The following LRP12 variants were observed in gnomAD, a reference collection of about 807,000 sequenced individuals.
The protein encoded by LRP12 is LDL receptor related protein 12, also known as low-density lipoprotein receptor-related protein 12.
Under a neutral mutation model 66.0 loss-of-function variants are expected in LRP12, and 14 were observed. The ratio of observed to expected loss-of-function variants is 0.21; its 90% confidence interval spans 0.14 to 0.33. The LOEUF is 0.33. Among genes scored for constraint, LRP12 ranks in the 10% least tolerant of loss-of-function variants. LRP12 has a pLI of 1.00. For synonymous variants in LRP12, 357 were observed against 359.1 expected, an observed-to-expected ratio of 0.99 and a Z score of 0.07; for missense variants, 889 against 1,053.4, an observed-to-expected ratio of 0.84 and a Z score of 2.16.
intron 1 of LRP12, among the ~76,000 whole-genome samples, chr8:104,583,028 G>T (rs1015801444): frequency 6.6e-6 from 1 of 151,922 alleles, no homozygotes; most frequent in Non-Finnish European, 1.5e-5. Flanking sequence ...TCTATCAACA[G>T]GGCAACCTAC....
At chr8:104,492,428 A>T (rs1382314087) in intron 6 of LRP12, among the ~76,000 whole-genome samples, 1 of 152,172 alleles carries the variant, frequency 6.6e-6, no homozygotes, top group Non-Finnish European at 1.5e-5. Context: ...TTATAAAAAG[A>T]AGTATTCAAA....
chr8:104,512,815 C>T (rs1811017660), intron 2 of LRP12, among the ~76,000 whole-genome samples: 1 of 152,176 alleles, frequency 6.6e-6, no homozygotes, highest in Non-Finnish European at 1.5e-5. Flanking sequence ...TGCAACGGCC[C>T]AGGGATAAGA....
chr8:104,524,143 G>A (rs1811192555), intron 2 of LRP12, among the ~76,000 whole-genome samples: 1 of 150,876 alleles, frequency 6.6e-6, no homozygotes, highest in South Asian at 2.1e-4. Context: ...TCGGGAGGCT[G>A]AGGTGGGAGC....
intron 1 of LRP12, among the ~76,000 whole-genome samples, chr8:104,540,645 C>T (rs1811462167): frequency 6.6e-6 from 1 of 152,106 alleles, no homozygotes; most frequent in Non-Finnish European, 1.5e-5. Context: ...ATGAACTAGC[C>T]TTGAACCTAT....
At chr8:104,587,203 T>C (rs565707489) in intron 1 of LRP12, among the ~76,000 whole-genome samples, 5 of 152,310 alleles carry the variant, frequency 3.3e-5, no homozygotes, top group East Asian at 3.9e-4. Context: ...CAATGCTTAT[T>C]ATAGTAGAGG....
At chr8:104,581,279 G>C (rs1203870295) in intron 1 of LRP12, among the ~76,000 whole-genome samples, 1 of 152,064 alleles carries the variant, frequency 6.6e-6, no homozygotes, top group Non-Finnish European at 1.5e-5. Flanking sequence ...ACATACTGGG[G>C]CCTGTCAGAA....
chr8:104,504,179 TA>T (rs1415555404), intron 3 of LRP12: 1 of 143,258 alleles, frequency 7.0e-6, no homozygotes, highest in African/African-American at 3.0e-5. Flanking sequence ...CTGCTTATAA[TA>T]TTCTCTTATG....
At chr8:104,547,808 T>C (rs1180124987) in intron 1 of LRP12, among the ~76,000 whole-genome samples, 1 of 128,338 alleles carries the variant, frequency 7.8e-6, no homozygotes, top group East Asian at 2.2e-4. Flanking sequence ...ATATTATATA[T>C]AATTCTATAT....
Position 104,497,361 on chromosome 8 carries a change from C to T in LRP12, c.1191G>A (p.Gly397=). 2.5e-6 allele frequency: 4 copies of T among 1,613,908 alleles called. No individual in the cohort carries two copies. The highest frequency in any genetic ancestry group is 2.2e-5 in the East Asian group (1 of 44,882). ...CCCTTCCATTTGGGCAATGCCAATA[C>T]CCATCACAACGCTGCTGCTCAGTAT... The part of the protein sequence containing the change: ...GCYTEQQRCD[G]YWHCPNGRDE... The change falls in exon 5 of 7, where the codon GGG becomes GGA. Residue 397 remains glycine (G), a synonymous_variant. Transcript: ENST00000276654. The surrounding 1 kb of genome is among the most constrained non-coding windows in gnomAD (Gnocchi z 4.3).
At chr8:104,585,828 G>A (rs1274042526) in intron 1 of LRP12, among the ~76,000 whole-genome samples, 1 of 152,210 alleles carries the variant, frequency 6.6e-6, no homozygotes, top group African/African-American at 2.4e-5. Context: ...TAAAGCAACG[G>A]AACTGTCAGA....
At chr8:104,583,736 A>T (rs542471768) in intron 1 of LRP12, among the ~76,000 whole-genome samples, 275 of 152,318 alleles carry the variant, frequency 1.8e-3, no homozygotes, top group Middle Eastern at 0.017. Flanking sequence ...CAGTTAAGTC[A>T]CAATATTTCT....
chr8:104,548,445 ATAT>A (rs1170750541), intron 1 of LRP12, among the ~76,000 whole-genome samples: 12 of 117,608 alleles, frequency 1.0e-4, no homozygotes, highest in South Asian at 2.3e-4. Context: ...ATTCTATATT[ATAT>A]TATATTTTGT....
At chr8:104,581,714 C>T (rs1588512757) in intron 1 of LRP12, among the ~76,000 whole-genome samples, 1 of 152,070 alleles carries the variant, frequency 6.6e-6, no homozygotes, top group East Asian at 1.9e-4. Context: ...AGAGCTAAGA[C>T]TAGTTGGTGG....
chr8:104,491,134 T>C lies in LRP12; in HGVS notation c.2119A>G (p.Asn707Asp). 1.2e-6 allele frequency: 2 copies of C among 1,614,080 alleles called. No homozygotes were observed. The highest frequency in any genetic ancestry group is 1.7e-6 in the Non-Finnish European group (2 of 1,180,006). ...TQSTRGGHAD[N>D]GRDVTSVEPP... The stretch of plus-strand genomic sequence containing the variant: ...TCCACACTTGTCACATCCCTTCCAT[T>C]ATCTGCATGACCACCTCGGGTACTC... Residue 707 changes from asparagine (N) to aspartate (D), a missense_variant, in exon 7 of 7, where the codon AAT becomes GAT. By Grantham distance (23) the Asn-to-Asp change is conservative. Around this residue, in one of 3 missense-constraint regions of LRP12, gnomAD observed 800 missense variants for 964.5 expected, o/e 0.83. Coordinates refer to ENST00000276654, the MANE Select transcript of LRP12 (RefSeq NM_013437.5).
At chr8:104,499,213 C>T in intron 4 of LRP12, 104 bp downstream of exon 4, 1 of 868,202 alleles carries the variant, frequency 1.2e-6, no homozygotes, top group East Asian at 2.6e-5. Flanking sequence ...CCTCAAGGGC[C>T]TACTCCTAAT....
At chr8:104,518,768 G>C (rs982363859) in intron 2 of LRP12, among the ~76,000 whole-genome samples, 1 of 151,996 alleles carries the variant, frequency 6.6e-6, no homozygotes, top group African/African-American at 2.4e-5. Context: ...AATGATAAGA[G>C]AACATATATA....
intron 1 of LRP12, among the ~76,000 whole-genome samples, chr8:104,578,660 A>G (rs1380600033): frequency 6.6e-6 from 1 of 152,200 alleles, no homozygotes; most frequent in Non-Finnish European, 1.5e-5. Flanking sequence ...CTTCATGAAC[A>G]CTGATGCAAA....
chr8:104,490,997 C>A lies in LRP12; in HGVS notation c.2256G>T (p.Gln752His). The change falls in exon 7 of 7, where the codon CAG (glutamine) becomes CAT (histidine). Residue 752 changes from glutamine (Q) to histidine (H), a missense_variant. Gln to His is a conservative substitution (Grantham distance 24, BLOSUM62 0). Transcript: ENST00000276654. ...CAAGTTGTCTCAAAGGACTCTGGTT[C>A]TGACTTAGGGAACTTGATCGTCCTA... ...FTLGRSSSLS[Q>H]NQSPLRQLDN... The A allele has an allele frequency of 6.2e-7, 1 of 1,614,100 alleles. No individual in the cohort carries two copies. The highest frequency in any genetic ancestry group is 8.5e-7 in the Non-Finnish European group (1 of 1,180,032).
Position 104,547,287 on chromosome 8 carries a change from TATATC to T in LRP12, c.80-15329_80-15325del, listed in dbSNP as rs1173366327. On this transcript the variant is annotated intron_variant, in intron 1 of 6. Coordinates refer to ENST00000276654, the MANE Select transcript of LRP12 (RefSeq NM_013437.5). Reference sequence around the variant, plus strand: ...TTTTGTACATAATATACAATTCTGTTATATCATATTTTGTATATAATATACAATTC... The same window carrying T: ...TTTTGTACATAATATACAATTCTGTTATATTTTGTATATAATATACAATTC... 5.3e-3 allele frequency among the ~76,000 whole-genome samples: 739 copies of T among 139,848 alleles called. 8 individuals carry two copies. The highest frequency in any genetic ancestry group is 0.018 in the South Asian group (77 of 4,292). The allele number at this position is 139,848 out of a possible 152,430, so 91.7% of individuals were successfully genotyped here.
Sources: gnomAD v4.1 joint callset for allele counts (sites outside exome capture counted in the v4.1 genomes callset) on GRCh38, gnomAD v4.1.1 for gene constraint, gnomAD v4.1.1 regional missense constraint, Gnocchi (gnomAD v3.1) non-coding constraint, MANE v1.5 for transcripts, NCBI Gene and HGNC (gene_info 2026-07-23, HGNC 2026-07-21) for gene names.